Variants in ERBB4 observed in about 807,000 individuals in gnomAD.
The protein encoded by ERBB4 is erb-b2 receptor tyrosine kinase 4.
In ERBB4, 42 loss-of-function variants were observed where a neutral mutation model predicts 158.0. That is an observed-to-expected ratio of 0.27 (90% CI 0.21 to 0.34). The LOEUF is 0.34. Among genes scored for constraint, ERBB4 ranks in the 10% least tolerant of loss-of-function variants. ERBB4 has a pLI of 1.00. For missense variants in ERBB4, 1,333 were observed against 1,624.1 expected (o/e 0.82, Z 3.08); for synonymous variants, 583 against 558.7 (o/e 1.04, Z -0.61).
chr2:212,200,276 G>GA (rs2082552972), intron 1 of ERBB4, among the ~76,000 whole-genome samples: 1 of 152,008 alleles, frequency 6.6e-6, no homozygotes, highest in Non-Finnish European at 1.5e-5. Context: ...AAAGGAATAT[G>GA]AAAAGAAATA....
At chr2:212,248,536 G>T (rs16848072) in intron 1 of ERBB4, among the ~76,000 whole-genome samples, 6 of 151,768 alleles carry the variant, frequency 4.0e-5, no homozygotes, top group African/African-American at 1.2e-4. Context: ...TTTAACAAAG[G>T]CATCTACCTA....
intron 19 of ERBB4, among the ~76,000 whole-genome samples, chr2:211,598,513 G>A (rs2068704632): frequency 6.6e-6 from 1 of 152,098 alleles, no homozygotes; most frequent in African/African-American, 2.4e-5. Context: ...ATGTTAAACT[G>A]GGGTATGTTG....
At chr2:211,865,390 C>A (rs1336227061) in intron 3 of ERBB4, among the ~76,000 whole-genome samples, 1 of 152,132 alleles carries the variant, frequency 6.6e-6, no homozygotes, top group Non-Finnish European at 1.5e-5. Flanking sequence ...TTTCTTGGAG[C>A]AGCTAGGCCT....
At chr2:212,331,065 T>TATATATATATATATATATATATAA (rs1285744157) in intron 1 of ERBB4, among the ~76,000 whole-genome samples, 3 of 127,668 alleles carry the variant, frequency 2.3e-5, no homozygotes, top group Admixed American at 1.6e-4. Context: ...TTTGTATATA[T>TATATATATATATATATATATATAA]ATATATACAC....
At chr2:212,433,705 T>C (rs1013030692) in intron 1 of ERBB4, among the ~76,000 whole-genome samples, 7 of 151,976 alleles carry the variant, frequency 4.6e-5, no homozygotes, top group Non-Finnish European at 7.4e-5. Flanking sequence ...AATATATATA[T>C]TAATATCTTG....
At chr2:211,974,196 A>G (rs1342689419) in intron 2 of ERBB4, among the ~76,000 whole-genome samples, 2 of 152,198 alleles carry the variant, frequency 1.3e-5, no homozygotes, top group Non-Finnish European at 2.9e-5. Context: ...AAGTTTACCT[A>G]TGTAACAACC....
intron 19 of ERBB4, among the ~76,000 whole-genome samples, chr2:211,595,326 A>C (rs2068597659): frequency 1.3e-5 from 2 of 152,212 alleles, no homozygotes; most frequent in African/African-American, 4.8e-5. Context: ...ACAAGTTTTA[A>C]AATCTTAAAA....
chr2:211,930,074 A>C (rs1030628948), intron 3 of ERBB4, among the ~76,000 whole-genome samples: 4 of 152,190 alleles, frequency 2.6e-5, no homozygotes, highest in African/African-American at 9.6e-5. Flanking sequence ...ATTTTACAGA[A>C]AACAGATTTT....
At chr2:212,419,687 C>T (rs10201067) in intron 1 of ERBB4, among the ~76,000 whole-genome samples, 89,158 of 151,506 alleles carry the variant, frequency 0.59, 28,007 homozygotes, top group African/African-American at 0.81. Flanking sequence ...TTTTGAGGAC[C>T]TACTGTTGTG....
chr2:212,064,097 A>G (rs777198761), intron 2 of ERBB4, among the ~76,000 whole-genome samples: 1 of 152,196 alleles, frequency 6.6e-6, no homozygotes, highest in Non-Finnish European at 1.5e-5. Flanking sequence ...TTCCTGGGAA[A>G]GAAGCATTGT....
rs200617823 is a variant in ERBB4, at chr2:211,523,794, AC to A, written c.2487+38108del. On this transcript the variant is annotated intron_variant, in intron 20 of 27. Coordinates refer to ENST00000342788, the MANE Select transcript of ERBB4 (RefSeq NM_005235.3). The stretch of plus-strand genomic sequence containing the variant: ...CAAAGCTTCCACAGTGTGGAAGGGG[AC>A]CCGAGCAGGTTGCCATTGCTGGCTT... Among the ~76,000 whole-genome samples, 155 of 152,074 alleles carry A rather than the reference AC, an allele frequency of 1.0e-3. 6 individuals carry two copies. In the East Asian group the frequency reaches 0.027, roughly 27 times the overall value.
At chr2:212,039,303 C>A (rs1033267844) in intron 2 of ERBB4, among the ~76,000 whole-genome samples, 1 of 152,128 alleles carries the variant, frequency 6.6e-6, no homozygotes, top group Non-Finnish European at 1.5e-5. Flanking sequence ...GCCTTTGAAT[C>A]ATAAAATTTT....
At chr2:212,282,162 C>T (rs79485571) in intron 1 of ERBB4, among the ~76,000 whole-genome samples, 1,591 of 151,948 alleles carry the variant, frequency 0.01, 17 homozygotes, top group African/African-American at 0.035. Flanking sequence ...GACTTTGTTA[C>T]GTAGCCCGAT....
intron 1 of ERBB4, among the ~76,000 whole-genome samples, chr2:212,149,253 T>C (rs1022163482): frequency 6.6e-6 from 1 of 152,206 alleles, no homozygotes; most frequent in East Asian, 1.9e-4. Context: ...TTATCTTTCA[T>C]GACATTCCTG....
At chr2:212,465,632 T>G (rs997444435) in intron 1 of ERBB4, among the ~76,000 whole-genome samples, 1 of 152,282 alleles carries the variant, frequency 6.6e-6, no homozygotes, top group East Asian at 1.9e-4. Context: ...CTGTTAACCA[T>G]AGTAGCTGTG....
chr2:212,216,745 T>C (rs1461989270), intron 1 of ERBB4, among the ~76,000 whole-genome samples: 1 of 151,478 alleles, frequency 6.6e-6, no homozygotes, highest in East Asian at 1.9e-4. Flanking sequence ...CACTACAACA[T>C]AGCAGATTAT....
intron 4 of ERBB4, among the ~76,000 whole-genome samples, chr2:211,759,638 T>A (rs2075361537): frequency 1.3e-5 from 2 of 152,094 alleles, no homozygotes; most frequent in African/African-American, 2.4e-5. Flanking sequence ...AGATGTCACC[T>A]CTCCATGACT....
At chr2:212,095,432 G>C (rs2078899866) in intron 2 of ERBB4, among the ~76,000 whole-genome samples, 2 of 152,124 alleles carry the variant, frequency 1.3e-5, no homozygotes, top group Admixed American at 1.3e-4. Context: ...AATTCCCAAA[G>C]TTTGCATAAA....
chr2:211,710,646 T>C (rs1053283874), intron 9 of ERBB4, among the ~76,000 whole-genome samples: 13 of 152,122 alleles, frequency 8.5e-5, no homozygotes, highest in Admixed American at 5.2e-4. Flanking sequence ...AATTCCCACG[T>C]GTTGTGGGAG....
Sources: allele counts gnomAD v4.1 joint callset (sites outside exome capture counted in the v4.1 genomes callset), GRCh38; gene constraint gnomAD v4.1.1; transcripts MANE v1.5; gene names NCBI Gene and HGNC (gene_info 2026-07-23, HGNC 2026-07-21).